Variants in R3HCC1L observed in about 807,000 individuals in gnomAD.
R3HCC1L encodes coiled-coil domain-containing protein R3HCC1L.
A neutral mutation model predicts 59.9 loss-of-function variants in R3HCC1L; 51 were observed. The observed-to-expected ratio is 0.85, with a 90% confidence interval of 0.68 to 1.07. The LOEUF is 1.07. R3HCC1L is among the 50% of genes least tolerant of loss of function. R3HCC1L has a pLI of 0.00. For missense variants in R3HCC1L, 965 were observed against 933.0 expected (o/e 1.03, Z -0.45); for synonymous variants, 322 against 315.2 (o/e 1.02, Z -0.23).
At chr10:98,235,874 T>C in intron 8 of R3HCC1L, 150 bp from the exon 9 acceptor site, 1 of 931,632 alleles carries the variant, frequency 1.1e-6, no homozygotes, top group Non-Finnish European at 1.6e-6. Flanking sequence ...GTTAATTTCC[T>C]CTGATCATCA....
intron 5 of R3HCC1L, among the ~76,000 whole-genome samples, chr10:98,222,699 T>G (rs1306316476): frequency 6.6e-6 from 1 of 152,188 alleles, no homozygotes; most frequent in Admixed American, 6.5e-5. Context: ...TTTGCATATA[T>G]TGAACCAGCC....
chr10:98,172,034 A>G (rs1848562934), intron 4 of R3HCC1L, among the ~76,000 whole-genome samples: 1 of 152,128 alleles, frequency 6.6e-6, no homozygotes. Context: ...TCAAAAGATA[A>G]TTTTAATCTG....
chr10:98,148,253 C>G (rs1415777845), intron 1 of R3HCC1L, among the ~76,000 whole-genome samples: 1 of 152,128 alleles, frequency 6.6e-6, no homozygotes, highest in Non-Finnish European at 1.5e-5. Context: ...TGTCCTACAA[C>G]TTTACTGAAT....
chr10:98,216,633 C>T (rs1854238966), intron 5 of R3HCC1L, among the ~76,000 whole-genome samples: 1 of 152,104 alleles, frequency 6.6e-6, no homozygotes, highest in South Asian at 2.1e-4. Flanking sequence ...AGTGCAGTGG[C>T]ACGATCTTAG....
rs1211645686 is a variant in R3HCC1L, at chr10:98,153,092, A to G, written c.-267-3001A>G. ...AAGTGAGGAGCCCCTATACCCGGCC[A>G]CCACCCCATCTGGGAGGTGTACCCA... On this transcript the variant is annotated intron_variant, in intron 1 of 9. Coordinates refer to ENST00000298999, the MANE Select transcript of R3HCC1L (RefSeq NM_001351015.2). Among the ~76,000 whole-genome samples the G allele has an allele frequency of 7.9e-5, 12 of 152,042 alleles. 1 individual carries two copies. In the East Asian group the frequency reaches 2.3e-3, roughly 30 times the overall value.
At position 98,166,703 on chromosome 10, in the gene R3HCC1L, A is replaced by G. The variant is rs538859217; in HGVS notation, c.-15+3306A>G. On this transcript the variant is annotated intron_variant, in intron 4 of 9. Transcript: ENST00000298999. ...ACAATCTTTCCAATTAGGTAGAGAC[A>G]TCTTAAGGGGAAGCTTCATTTTTAC... Among the ~76,000 whole-genome samples the G allele has an allele frequency of 7.9e-5, 12 of 152,274 alleles. No homozygotes were observed. In the South Asian group the frequency reaches 2.5e-3, roughly 32 times the overall value.
rs572254777 is a variant in R3HCC1L, at chr10:98,149,456, T to A, written c.-267-6637T>A. Among the ~76,000 whole-genome samples the A allele has an allele frequency of 2.6e-5, 4 of 152,332 alleles. No individual in the cohort carries two copies. In the East Asian group the frequency reaches 7.7e-4, roughly 29 times the overall value. On this transcript the variant is annotated intron_variant, in intron 1 of 9. Transcript: ENST00000298999. ...ACGTTATTAGATTATTTGAAGTCTT[T>A]CTGCTTTTTTGATGTAGGCATTTAT...
chr10:98,235,405 C>T lies in R3HCC1L; in HGVS notation c.2033-20C>T, dbSNP rs780949270. 22 of 1,600,144 alleles carry T rather than the reference C, an allele frequency of 1.4e-5. No homozygotes were observed. The highest frequency in any genetic ancestry group is 1.8e-5 in the Non-Finnish European group (21 of 1,168,050). ...TCACTCTACTTCATGTCTTCTGCTT[C>T]CTTTTATTCCTCTTTGCAGCTCGTG... On this transcript the variant is annotated intron_variant, in intron 7 of 9. Transcript: ENST00000298999.
At chr10:98,142,301 C>A (rs80304125) in intron 1 of R3HCC1L, among the ~76,000 whole-genome samples, 7 of 152,278 alleles carry the variant, frequency 4.6e-5, no homozygotes, top group South Asian at 2.1e-4. Context: ...AACTCATGAT[C>A]TCACCTCTGA....
intron 8 of R3HCC1L, 29 bp downstream of exon 8, chr10:98,235,549 T>C (rs749495740): frequency 1.3e-6 from 2 of 1,532,532 alleles, no homozygotes; most frequent in East Asian, 2.3e-5. Context: ...GGTTTTTTTC[T>C]TGCTGATGGT....
intron 2 of R3HCC1L, among the ~76,000 whole-genome samples, chr10:98,159,772 G>A (rs1847221586): frequency 1.3e-5 from 2 of 152,132 alleles, no homozygotes; most frequent in Non-Finnish European, 2.9e-5. Flanking sequence ...GGCTCATCTT[G>A]CATGTTCCCA....
chr10:98,224,966 A>C (rs1052413790), intron 5 of R3HCC1L, among the ~76,000 whole-genome samples: 10 of 152,242 alleles, frequency 6.6e-5, no homozygotes, highest in African/African-American at 1.9e-4. Flanking sequence ...CATATTAGAA[A>C]AGTAATAACA....
At chr10:98,218,340 A>C (rs1854455927) in intron 5 of R3HCC1L, among the ~76,000 whole-genome samples, 1 of 152,032 alleles carries the variant, frequency 6.6e-6, no homozygotes, top group Non-Finnish European at 1.5e-5. Context: ...ATACTAGTAA[A>C]CCAAATTCAA....
intron 5 of R3HCC1L, among the ~76,000 whole-genome samples, chr10:98,223,120 A>G (rs924111127): frequency 5.3e-5 from 8 of 152,164 alleles, no homozygotes; most frequent in East Asian, 1.9e-4. Context: ...ACAAGGAGGA[A>G]CTGGTACCAT....
chr10:98,208,342 TAGAA>T lies in R3HCC1L; in HGVS notation c.231_234del (p.Lys78SerfsTer14), dbSNP rs766101897. 1 of 1,614,098 alleles carries T rather than the reference TAGAA, an allele frequency of 6.2e-7. No homozygotes were observed. The highest frequency in any genetic ancestry group is 2.2e-5 in the East Asian group (1 of 44,872). ...CTCGAAGACTAAATATCAATCCTGATAGAAAGGAGCATAATTGTAGAGAAGAAAA... is the reference window on the plus strand; with the variant it reads ...CTCGAAGACTAAATATCAATCCTGATAGGAGCATAATTGTAGAGAAGAAAA... On this transcript the variant is annotated frameshift_variant, in exon 5 of 10. Transcript: ENST00000298999. LOFTEE classifies it high-confidence loss of function.
chr10:98,182,423 G>C (rs565966816), intron 4 of R3HCC1L, among the ~76,000 whole-genome samples: 1 of 152,122 alleles, frequency 6.6e-6, no homozygotes, highest in Non-Finnish European at 1.5e-5. Flanking sequence ...TCTCAGAGGG[G>C]CACCTGGCTA....
At chr10:98,171,035 G>C (rs1848460305) in intron 4 of R3HCC1L, among the ~76,000 whole-genome samples, 1 of 152,134 alleles carries the variant, frequency 6.6e-6, no homozygotes, top group Admixed American at 6.5e-5. Context: ...TTAATTATTT[G>C]TGGCCACCTT....
chr10:98,235,282 T>A (rs1856802233), intron 7 of R3HCC1L, 143 bp from the exon 8 acceptor site: 1 of 676,180 alleles, frequency 1.5e-6, no homozygotes, highest in African/African-American at 1.9e-5. Flanking sequence ...AAATAATTAC[T>A]GCCACGTTGA....
chr10:98,151,953 C>G (rs942852427), intron 1 of R3HCC1L, among the ~76,000 whole-genome samples: 2 of 152,082 alleles, frequency 1.3e-5, no homozygotes, highest in African/African-American at 2.4e-5. Context: ...CTCTCCCTCT[C>G]TTTCCACGGT....
Sources: gnomAD v4.1 joint callset for allele counts (sites outside exome capture counted in the v4.1 genomes callset) on GRCh38, gnomAD v4.1.1 for gene constraint, MANE v1.5 for transcripts, NCBI Gene and HGNC (gene_info 2026-07-23, HGNC 2026-07-21) for gene names.